Variants in FLRT1 observed in about 807,000 individuals in gnomAD.
The protein encoded by FLRT1 is leucine-rich repeat transmembrane protein FLRT1.
Under a neutral mutation model 30.9 loss-of-function variants are expected in FLRT1, and 14 were observed. The ratio of observed to expected loss-of-function variants is 0.45; its 90% CI spans 0.30 to 0.71. FLRT1 has a LOEUF of 0.71. Ranked by LOEUF, FLRT1 falls within the 30% of genes least tolerant of loss-of-function variation. The pLI, the probability that FLRT1 is intolerant of heterozygous loss-of-function variation, is 0.08. For synonymous variants in FLRT1, 368 were observed against 430.4 expected (o/e 0.85, Z 1.80); for missense variants, 737 against 949.2 (o/e 0.78, Z 2.94).
At chr11:64,089,709 T>G (rs1290222784) in intron 1 of FLRT1, among the ~76,000 whole-genome samples, 2 of 152,164 alleles carry the variant, frequency 1.3e-5, no homozygotes, top group Non-Finnish European at 2.9e-5. Flanking sequence ...AGTGGGGCTC[T>G]TGAGGGAGGG....
chr11:64,114,663 G>A (rs1944942366), intron 2 of FLRT1, among the ~76,000 whole-genome samples: 1 of 148,964 alleles, frequency 6.7e-6, no homozygotes. Context: ...GAATGGACAG[G>A]TGGATAGATG....
Position 64,116,635 on chromosome 11 carries a change from T to A in FLRT1, c.368T>A (p.Ile123Asn). Residue 123 changes from isoleucine (I) to asparagine (N), a missense_variant, in exon 3 of 3, where the codon ATC (isoleucine) becomes AAC (asparagine). Coordinates refer to ENST00000682287, the MANE Select transcript of FLRT1 (RefSeq NM_013280.5). ...LYENDLDEFP[I>N]NLPRSLRELH... ...GAGAATGACCTGGATGAGTTCCCCATCAACCTGCCCCGCTCCCTCCGGGAG... is the reference window on the plus strand; with the variant it reads ...GAGAATGACCTGGATGAGTTCCCCAACAACCTGCCCCGCTCCCTCCGGGAG... 1 of 1,614,122 alleles carries A rather than the reference T, an allele frequency of 6.2e-7. No individual in the cohort carries two copies. Among genetic ancestry groups the A allele is most frequent in the Non-Finnish European group, 8.5e-7 (1 of 1,180,006 alleles).
At chr11:64,059,419 T>C (rs1590851564) in intron 1 of FLRT1, among the ~76,000 whole-genome samples, 1 of 151,914 alleles carries the variant, frequency 6.6e-6, no homozygotes, top group Non-Finnish European at 1.5e-5. Flanking sequence ...GGAAGAGATG[T>C]CCCCCCAGGG....
At chr11:64,077,701 C>T (rs1014719237) in intron 1 of FLRT1, among the ~76,000 whole-genome samples, 3 of 152,172 alleles carry the variant, frequency 2.0e-5, no homozygotes, top group South Asian at 2.1e-4. Context: ...CTGGGAGCAT[C>T]AGCATTCAAA....
chr11:64,100,001 C>A (rs761184827), intron 1 of FLRT1, among the ~76,000 whole-genome samples: 11 of 152,138 alleles, frequency 7.2e-5, no homozygotes, highest in African/African-American at 2.7e-4. Context: ...GTTTCTCTTG[C>A]GCTGTCTTGG....
chr11:64,055,093 ACCCTCAT>A (rs965457618), intron 1 of FLRT1, among the ~76,000 whole-genome samples: 1 of 151,556 alleles, frequency 6.6e-6, no homozygotes, highest in African/African-American at 2.4e-5. Flanking sequence ...CCAGAAGGTG[ACCCTCAT>A]CACCGCCAAC....
chr11:64,084,104 T>C (rs1021843133), intron 1 of FLRT1, among the ~76,000 whole-genome samples: 1 of 152,172 alleles, frequency 6.6e-6, no homozygotes, highest in Admixed American at 6.5e-5. Context: ...GGCCTGTGTG[T>C]GCATCTATGA....
rs570855641 is a variant in FLRT1, at chr11:64,065,022, G to A, written c.-1038+28863G>A. Reference sequence around the variant, plus strand: ...GAACAAGCCAGAGGCGGGCAATGCTGGTGCTAGGGACATGAGCAGGGGTGA... The same window carrying A: ...GAACAAGCCAGAGGCGGGCAATGCTAGTGCTAGGGACATGAGCAGGGGTGA... On this transcript the variant is annotated intron_variant, in intron 1 of 2. Coordinates refer to ENST00000682287, the MANE Select transcript of FLRT1 (RefSeq NM_013280.5). Among the ~76,000 whole-genome samples the A allele has an allele frequency of 7.9e-5, 12 of 152,292 alleles. No individual in the cohort carries two copies. The South Asian group carries it at 2.3e-3, about 29-fold the overall frequency.
rs1945018603 is a variant in FLRT1 at position 64,117,790 on chromosome 11, T to TGTAGGTGGAGAC, written c.1523_1524insGTAGGTGGAGAC (p.Val508_Thr509insTer). The TGTAGGTGGAGAC allele has an allele frequency of 3.1e-6, 5 of 1,614,028 alleles. No homozygotes were observed. The highest frequency in any genetic ancestry group is 1.3e-5 in the African/African-American group (1 of 74,936). On this transcript the variant is annotated stop_gained and inframe_insertion, in exon 3 of 3. Coordinates refer to ENST00000682287, the MANE Select transcript of FLRT1 (RefSeq NM_013280.5). LOFTEE classifies it high-confidence loss of function. Reference sequence around the variant, plus strand: ...AAGTCCACCTACATCATCTGCATGGTCACCATGGAGACCAGCAATGCCTAC... The same window carrying TGTAGGTGGAGAC: ...AAGTCCACCTACATCATCTGCATGGTGTAGGTGGAGACCACCATGGAGACCAGCAATGCCTAC...
Position 64,118,255 on chromosome 11 carries a change from A to G in FLRT1, c.1988A>G (p.Asp663Gly), listed in dbSNP as rs756470729. Residue 663 changes from aspartate to glycine, a missense_variant, in exon 3 of 3, where the codon GAC (aspartate) becomes GGC (glycine). Asp to Gly is a moderately conservative substitution (Grantham distance 94). Coordinates refer to ENST00000682287, the MANE Select transcript of FLRT1 (RefSeq NM_013280.5). ...IGYGTTRGYR[D>G]GGIPDIDYSY... is the part of the protein sequence containing the mutation. ...TACGGCACCACGCGGGGCTACCGGG[A>G]CGGCGGCATCCCCGACATAGACTAC... The G allele has an allele frequency of 1.3e-6, 2 of 1,599,162 alleles. No homozygotes were observed. Among genetic ancestry groups the G allele is most frequent in the African/African-American group, 2.7e-5 (2 of 74,724 alleles).
intron 1 of FLRT1, among the ~76,000 whole-genome samples, chr11:64,065,831 C>T (rs186581941): frequency 8.6e-5 from 13 of 151,474 alleles, no homozygotes; most frequent in Admixed American, 5.9e-4. Flanking sequence ...GAGACTCCCC[C>T]TCTCTCCATG....
chr11:64,097,539 C>T (rs892136095), intron 1 of FLRT1, among the ~76,000 whole-genome samples: 7 of 152,362 alleles, frequency 4.6e-5, no homozygotes, highest in South Asian at 2.1e-4. Context: ...GCCGGCCGGG[C>T]GGCACAGACT....
intron 1 of FLRT1, among the ~76,000 whole-genome samples, 166 bp from the exon 2 acceptor site, chr11:64,103,028 G>A (rs1223899026): frequency 3.3e-5 from 5 of 151,550 alleles, no homozygotes; most frequent in South Asian, 2.1e-4. Context: ...CCGAGATTGT[G>A]CCACTGCACT....
chr11:64,046,882 A>C (rs1163447500), intron 1 of FLRT1, among the ~76,000 whole-genome samples: 1 of 152,148 alleles, frequency 6.6e-6, no homozygotes, highest in Non-Finnish European at 1.5e-5. Context: ...CTCTAGCCAG[A>C]TACTGCCGGA....
chr11:64,100,470 C>A (rs148356716), intron 1 of FLRT1, among the ~76,000 whole-genome samples: 2 of 152,148 alleles, frequency 1.3e-5, no homozygotes, highest in Non-Finnish European at 2.9e-5. Context: ...CCTGTGGGAA[C>A]GGGGGAGGCC....
At chr11:64,066,209 A>G in intron 1 of FLRT1, among the ~76,000 whole-genome samples, 1 of 149,278 alleles carries the variant, frequency 6.7e-6, no homozygotes, top group Non-Finnish European at 1.5e-5. Flanking sequence ...AGGCAGGAGA[A>G]TTGCGAGAAC....
In FLRT1 at chr11:64,096,771, G is replaced by A. The variant is rs1348209766; in HGVS notation, c.-1037-6423G>A. On this transcript the variant is annotated intron_variant, in intron 1 of 2. Transcript: ENST00000682287. The surrounding 1 kb of genome is among the most constrained non-coding windows in gnomAD (Gnocchi z 4.6). ...TGTGAAGGGGCAGGCTCTGGCCGCA[G>A]TGCCCCTCCCTGAGGGGAAGAGGGC... Among the ~76,000 whole-genome samples, 1 of 152,186 alleles carries A rather than the reference G, an allele frequency of 6.6e-6. No homozygotes were observed. The highest frequency in any genetic ancestry group is 1.5e-5 in the Non-Finnish European group (1 of 68,030).
intron 1 of FLRT1, among the ~76,000 whole-genome samples, chr11:64,091,945 C>T (rs1193554875): frequency 2.6e-5 from 4 of 152,190 alleles, no homozygotes; most frequent in African/African-American, 9.7e-5. Context: ...AGGAAGCATA[C>T]TGAGGGCAGT....
At position 64,082,983 on chromosome 11, in the gene FLRT1, G is replaced by A. The variant is rs1020167075; in HGVS notation, c.-1037-20211G>A. The stretch of plus-strand genomic sequence containing the variant: ...GCCGTGTGCCATTGGCACCTCCTGT[G>A]TGCCAAGTGCTGGCTTAGTCTCCCC... On this transcript the variant is annotated intron_variant, in intron 1 of 2. Transcript: ENST00000682287. The surrounding 1 kb of genome is among the most constrained non-coding windows in gnomAD (Gnocchi z 4.5). The A allele has an allele frequency of 9.2e-5, 14 of 152,526 alleles. No homozygotes were observed. The highest frequency in any genetic ancestry group is 3.1e-4 in the African/African-American group (13 of 41,552). The allele number at this position is 152,526 out of a possible 1,614,324, so 9.4% of individuals were successfully genotyped here.
Sources: gnomAD v4.1 joint callset for allele counts (sites outside exome capture counted in the v4.1 genomes callset) on GRCh38, gnomAD v4.1.1 for gene constraint, Gnocchi (gnomAD v3.1) non-coding constraint, MANE v1.5 for transcripts, NCBI Gene and HGNC (gene_info 2026-07-23, HGNC 2026-07-21) for gene names.